SIRT2: variants seen among roughly 807,000 people sequenced by gnomAD.
SIRT2 encodes the protein NAD-dependent protein deacetylase sirtuin-2.
SIRT2 carries 40 observed loss-of-function variants against 57.4 expected under a neutral mutation model. The ratio of observed to expected loss-of-function variants is 0.70; its 90% CI spans 0.54 to 0.91. The LOEUF (loss-of-function observed/expected upper bound fraction) is 0.91. Ranked by LOEUF, SIRT2 falls within the 40% of genes least tolerant of loss-of-function variation. The pLI, the probability that SIRT2 is intolerant of heterozygous loss-of-function variation, is 0.00. For synonymous variants in SIRT2, 161 were observed against 195.7 expected (o/e 0.82, Z 1.48); for missense variants, 439 against 510.4 (o/e 0.86, Z 1.35).
chr19:38,885,428 CTTTTT>C (rs746141768), intron 8 of SIRT2, among the ~76,000 whole-genome samples: 41 of 137,786 alleles, frequency 3.0e-4, no homozygotes, highest in African/African-American at 8.2e-4. Context: ...CTTTTCTTTT[CTTTTT>C]TTTTTTTTTC....
intron 2 of SIRT2, among the ~76,000 whole-genome samples, chr19:38,896,094 G>A (rs931692123): frequency 1.3e-5 from 2 of 152,040 alleles, no homozygotes; most frequent in African/African-American, 4.8e-5. Context: ...GAGAGAAAGA[G>A]AGAGTGAGAA....
At chr19:38,886,948 C>CT (rs976421704) in intron 8 of SIRT2, among the ~76,000 whole-genome samples, 8 of 150,352 alleles carry the variant, frequency 5.3e-5, no homozygotes, top group African/African-American at 2.0e-4. Context: ...CATTTTTTTT[C>CT]TTTTTTTGAG....
chr19:38,898,317 C>A lies in SIRT2; in HGVS notation c.63+62G>T, dbSNP rs532277766. The A allele has an allele frequency of 1.4e-5, 18 of 1,294,032 alleles. No individual in the cohort carries two copies. The South Asian group carries it at 2.7e-4, about 20-fold the overall frequency. The allele number at this position is 1,294,032 out of a possible 1,614,324, so 80.2% of individuals were successfully genotyped here. A position where few individuals can be genotyped will look rare whatever the true frequency, so the allele number is the denominator to read the frequency against. On this transcript the variant is annotated intron_variant, in intron 2 of 15. Transcript: ENST00000249396. ...ACTGTTTCCCCTTTGCCACCTCCCCCCAGTGTGGGATGTGGAACAAGTCCG... is the reference window on the plus strand; with the variant it reads ...ACTGTTTCCCCTTTGCCACCTCCCCACAGTGTGGGATGTGGAACAAGTCCG...
chr19:38,879,993 T>C (rs1052962423), intron 13 of SIRT2: 2 of 390,690 alleles, frequency 5.1e-6, no homozygotes, highest in Admixed American at 3.9e-5. Flanking sequence ...GCCCGGCTAA[T>C]TTTGTATTAT....
At chr19:38,885,310 G>A in intron 8 of SIRT2, among the ~76,000 whole-genome samples, 1 of 151,824 alleles carries the variant, frequency 6.6e-6, no homozygotes, top group Non-Finnish European at 1.5e-5. Context: ...CTCCCTATTT[G>A]CCCGGGCTGG....
At position 38,893,448 on chromosome 19, in the gene SIRT2, C is replaced by G. The variant is rs1034418160; in HGVS notation, c.192G>C (p.Leu64Phe). ...TCTGCATGTACCGGGCCACCCCTTC[C>G]AAGGTCAGCTCGTCCAGCAGACGCT... The part of the protein sequence containing the change: ...QKERLLDELT[L>F]EGVARYMQSE... The change falls in exon 4 of 16, where the codon TTG becomes TTC. Residue 64 changes from leucine (L) to phenylalanine (F), a missense_variant. By Grantham distance (22) the Leu-to-Phe change is conservative. Transcript: ENST00000249396. 2 of 1,614,002 alleles carry G rather than the reference C, an allele frequency of 1.2e-6. No individual in the cohort carries two copies. Among genetic ancestry groups the G allele is most frequent in the Admixed American group, 3.3e-5 (2 of 60,028 alleles).
At chr19:38,887,668 C>T (rs1973385332) in intron 8 of SIRT2, among the ~76,000 whole-genome samples, 1 of 152,208 alleles carries the variant, frequency 6.6e-6, no homozygotes. Context: ...CTGGCGGTAG[C>T]TTTTGGGGCT....
chr19:38,888,940 C>T (rs924991328), intron 8 of SIRT2, 147 bp downstream of exon 8: 2 of 676,228 alleles, frequency 3.0e-6, no homozygotes, highest in Non-Finnish European at 5.2e-6. Flanking sequence ...GCAGGTCATG[C>T]AGCAAGGAGG....
intron 3 of SIRT2, 78 bp from the exon 4 acceptor site, chr19:38,893,605 G>A (rs759530269): frequency 4.0e-6 from 5 of 1,243,208 alleles, no homozygotes; most frequent in Non-Finnish European, 5.8e-6. Context: ...CCTGGCCCCA[G>A]CCCTGGGGTT....
intron 2 of SIRT2, chr19:38,894,472 G>A (rs891127072): frequency 4.0e-5 from 9 of 226,806 alleles, no homozygotes; most frequent in Admixed American, 1.0e-4. Flanking sequence ...GGTGCTGGGC[G>A]CAGCACCAGG....
chr19:38,883,075 G>GTTTTTTT (rs61706756), intron 9 of SIRT2, among the ~76,000 whole-genome samples: 2 of 110,402 alleles, frequency 1.8e-5, no homozygotes, highest in Non-Finnish European at 3.7e-5. Flanking sequence ...GTGACTTCTT[G>GTTTTTTT]TTTTTTTTTT....
chr19:38,879,191 G>A lies in SIRT2; in HGVS notation c.1134C>T (p.Asp378=), dbSNP rs200296263. The change falls in exon 16 of 16, where the codon GAC becomes GAT. Residue 378 remains aspartate (D), a synonymous_variant. Coordinates refer to ENST00000249396, the MANE Select transcript of SIRT2 (RefSeq NM_012237.4). ...SPKKSPPPAK[D]EARTTEREKP... Reference sequence around the variant, plus strand: ...TCTCCCTCTCTGTTGTCCTGGCCTCGTCCTTGGCAGGTGGCGGGGACTTCT... The same window carrying A: ...TCTCCCTCTCTGTTGTCCTGGCCTCATCCTTGGCAGGTGGCGGGGACTTCT... 6.6e-5 allele frequency: 105 copies of A among 1,587,360 alleles called. No homozygotes were observed. The highest frequency in any genetic ancestry group is 1.8e-4 in the East Asian group (8 of 44,774).
intron 2 of SIRT2, among the ~76,000 whole-genome samples, chr19:38,897,385 C>T (rs761263619): frequency 2.0e-5 from 3 of 152,170 alleles, no homozygotes; most frequent in African/African-American, 7.2e-5. Flanking sequence ...AGTCACTCTT[C>T]ACTTATGCTG....
At chr19:38,882,436 A>T (rs1448115978) in intron 9 of SIRT2, among the ~76,000 whole-genome samples, 1 of 152,028 alleles carries the variant, frequency 6.6e-6, no homozygotes, top group East Asian at 1.9e-4. Context: ...GGAGTTTGAG[A>T]CCAGCCTGGC....
intron 8 of SIRT2, among the ~76,000 whole-genome samples, chr19:38,887,711 C>A (rs1412431198): frequency 6.6e-6 from 1 of 152,132 alleles, no homozygotes; most frequent in East Asian, 1.9e-4. Flanking sequence ...AGGGAGAAAA[C>A]ACTAGAACAC....
Position 38,881,405 on chromosome 19 carries a change from TGGGCAGG to T in SIRT2, c.691+20_691+26del. On this transcript the variant is annotated intron_variant, in intron 10 of 15. Transcript: ENST00000249396. ...GAGGGGACCCCCACCCAAATCCACCTGGGCAGGTCCCTGGCCAGAGGCTCACCAGGCT... is the reference window on the plus strand; with the variant it reads ...GAGGGGACCCCCACCCAAATCCACCTTCCCTGGCCAGAGGCTCACCAGGCT... The T allele has an allele frequency of 6.2e-7, 1 of 1,612,362 alleles. No homozygotes were observed.
intron 2 of SIRT2, among the ~76,000 whole-genome samples, chr19:38,897,890 G>A (rs1473326026): frequency 6.6e-6 from 1 of 152,152 alleles, no homozygotes; most frequent in Non-Finnish European, 1.5e-5. Context: ...CCCGGCTGGA[G>A]TGCAGTGATG....
At chr19:38,879,834 GT>G (rs1218458173) in intron 13 of SIRT2, 132 bp from the exon 14 acceptor site, 14 of 676,472 alleles carry the variant, frequency 2.1e-5, no homozygotes, top group Admixed American at 2.9e-5. Context: ...TGTTTTTTTG[GT>G]TTTTTTTGAG....
chr19:38,889,484 GCTTCA>G, intron 7 of SIRT2, 200 bp downstream of exon 7: 1 of 659,708 alleles, frequency 1.5e-6, no homozygotes, highest in South Asian at 1.8e-5. Flanking sequence ...AGTACCATTA[GCTTCA>G]CTTCACAGGA....
Sources: gnomAD v4.1 joint callset for allele counts (sites outside exome capture counted in the v4.1 genomes callset) on GRCh38, gnomAD v4.1.1 for gene constraint, MANE v1.5 for transcripts, NCBI Gene and HGNC (gene_info 2026-07-23, HGNC 2026-07-21) for gene names.